The following GARIN5B variants were observed in gnomAD, a reference collection of about 807,000 sequenced individuals.
GARIN5B encodes Golgi-associated RAB2 interactor protein 5B.
chr19:55,360,884 G>A, the GARIN5B span: 8 of 1,544,692 alleles, frequency 5.2e-6, no homozygotes, highest in African/African-American at 2.7e-5. Context: ...GAGTTCTGTC[G>A]GGGCGGGGGT....
the GARIN5B span, chr19:55,358,029 G>A: frequency 8.5e-7 from 1 of 1,182,338 alleles, no homozygotes; most frequent in Non-Finnish European, 1.1e-6. Flanking sequence ...ACTCCAGCCT[G>A]GGTGACAGAG....
the GARIN5B span, among the ~76,000 whole-genome samples, chr19:55,355,726 C>T: frequency 6.6e-6 from 1 of 152,150 alleles, no homozygotes; most frequent in South Asian, 2.1e-4. Context: ...TGGCTCATGC[C>T]TGTAATCCTA....
the GARIN5B span, chr19:55,362,421 G>A: frequency 6.4e-7 from 1 of 1,550,492 alleles, no homozygotes; most frequent in Middle Eastern, 1.7e-4. Context: ...AGGTAGTACT[G>A]GCGGCCCGAG....
chr19:55,359,490 G>T, the GARIN5B span: 1 of 1,548,474 alleles, frequency 6.5e-7, no homozygotes, highest in South Asian at 1.2e-5. Flanking sequence ...GGGGCCTTCT[G>T]GGATGGAGCA....
At chr19:55,363,028 G>C in the GARIN5B span, 3 of 1,498,412 alleles carry the variant, frequency 2.0e-6, no homozygotes, top group South Asian at 4.0e-5. The surrounding 1 kb of genome is among the most constrained non-coding windows in gnomAD (Gnocchi z 4.0). Flanking sequence ...GGGTGCCCTG[G>C]AGCGGCTCAA....
chr19:55,359,872 G>T, the GARIN5B span: 3 of 1,551,536 alleles, frequency 1.9e-6, no homozygotes, highest in Non-Finnish European at 2.6e-6. Context: ...CCAGGGAGCT[G>T]CAGGAGCCCA....
At chr19:55,357,486 C>T in the GARIN5B span, among the ~76,000 whole-genome samples, 1 of 152,206 alleles carries the variant, frequency 6.6e-6, no homozygotes, top group Non-Finnish European at 1.5e-5. Flanking sequence ...GCTGTTCCTT[C>T]CGCTGGGATG....
the GARIN5B span, chr19:55,359,442 G>A: frequency 1.9e-6 from 3 of 1,549,084 alleles, no homozygotes; most frequent in African/African-American, 4.1e-5. Context: ...GATGGAGCAG[G>A]TATGGCTGGG....
chr19:55,359,870 C>A, the GARIN5B span: 1 of 1,551,422 alleles, frequency 6.4e-7, no homozygotes, highest in African/African-American at 1.4e-5. Context: ...GTCCAGGGAG[C>A]TGCAGGAGCC....
At chr19:55,355,874 T>A in the GARIN5B span, among the ~76,000 whole-genome samples, 1 of 151,594 alleles carries the variant, frequency 6.6e-6, no homozygotes, top group Non-Finnish European at 1.5e-5. Flanking sequence ...TGGTTCCAGC[T>A]ACTGAGGAGG....
chr19:55,361,298 C>T, the GARIN5B span: 2 of 1,543,744 alleles, frequency 1.3e-6, no homozygotes, highest in Non-Finnish European at 1.8e-6. Context: ...AGGACCTACC[C>T]CAGGAGCTTG....
the GARIN5B span, chr19:55,360,577 CTCAGA>C: frequency 7.6e-7 from 1 of 1,309,994 alleles, no homozygotes; most frequent in Non-Finnish European, 1.0e-6. Flanking sequence ...CCCCTCCTCC[CTCAGA>C]CCCAGGAGTC....
chr19:55,358,631 G>A, the GARIN5B span: 6 of 1,551,352 alleles, frequency 3.9e-6, no homozygotes, highest in Non-Finnish European at 5.2e-6. Context: ...CTCCAGTAAG[G>A]ACAGCTGGCC....
At chr19:55,355,369 G>A in the GARIN5B span, 7 of 1,550,078 alleles carry the variant, frequency 4.5e-6, no homozygotes, top group Non-Finnish European at 6.1e-6. Flanking sequence ...GCAAGCCAGA[G>A]AGAGCTTTGG....
At chr19:55,361,322 CAAGG>C in the GARIN5B span, 1 of 1,540,806 alleles carries the variant, frequency 6.5e-7, no homozygotes. Context: ...AGGGCCCCAC[CAAGG>C]AAGGGGGAAG....
the GARIN5B span, chr19:55,358,330 C>T: frequency 2.5e-5 from 39 of 1,534,234 alleles, no homozygotes; most frequent in Non-Finnish European, 2.7e-5. Flanking sequence ...GCTGCTGGGA[C>T]GCCCTGGCTG....
the GARIN5B span, chr19:55,363,093 T>C: frequency 6.8e-7 from 1 of 1,469,282 alleles, no homozygotes; most frequent in Non-Finnish European, 9.0e-7. The surrounding 1 kb of genome is among the most constrained non-coding windows in gnomAD (Gnocchi z 4.0). Flanking sequence ...GGGTACTGGT[T>C]TAGGGACCCA....
the GARIN5B span, among the ~76,000 whole-genome samples, chr19:55,360,508 G>A: frequency 9.1e-6 from 1 of 109,502 alleles, no homozygotes; most frequent in African/African-American, 3.6e-5. Flanking sequence ...TCCTCCCTCA[G>A]ACACAGAAGT....
At chr19:55,361,678 G>GACT in the GARIN5B span, among the ~76,000 whole-genome samples, 1 of 24,690 alleles carries the variant, frequency 4.1e-5, no homozygotes, top group African/African-American at 9.0e-5. Context: ...CAGGGGTCCA[G>GACT]GCCTCAGTTC....
Sources: allele counts gnomAD v4.1 joint callset (sites outside exome capture counted in the v4.1 genomes callset), GRCh38; gene constraint gnomAD v4.1.1; non-coding constraint Gnocchi (gnomAD v3.1); transcripts MANE v1.5; gene names NCBI Gene and HGNC (gene_info 2026-07-23, HGNC 2026-07-21).